Variants in MEIKIN observed in about 807,000 individuals in gnomAD.
The protein encoded by MEIKIN is meiotic kinetochore factor.
chr5:131,841,864 T>C (rs1355975910), intron 11 of MEIKIN, among the ~76,000 whole-genome samples: 1 of 152,260 alleles, frequency 6.6e-6, no homozygotes, highest in African/African-American at 2.4e-5. Flanking sequence ...AAGCTCACTG[T>C]TAGTGAATAA....
intron 9 of MEIKIN, among the ~76,000 whole-genome samples, chr5:131,863,891 G>T (rs1750333599): frequency 6.6e-6 from 1 of 152,124 alleles, no homozygotes; most frequent in Non-Finnish European, 1.5e-5. Flanking sequence ...ACCCATGTAA[G>T]ACGTGACTTG....
rs555631658 is a variant in MEIKIN, at chr5:131,863,789, C to G, written c.775-8955G>C. Among the ~76,000 whole-genome samples, 4 of 152,120 alleles carry G rather than the reference C, an allele frequency of 2.6e-5. No homozygotes were observed. The South Asian group carries it at 8.3e-4, about 32-fold the overall frequency. ...CTGAATCATGGGGGCAGGTCTTCCC[C>G]ATGCCGTTCTTGTGATAGTGAATAC... On this transcript the variant is annotated intron_variant, in intron 9 of 12. Coordinates refer to ENST00000442687, the MANE Select transcript of MEIKIN (RefSeq NM_001303622.2).
At chr5:131,828,255 C>T (rs990574389) in intron 11 of MEIKIN, among the ~76,000 whole-genome samples, 25 of 152,266 alleles carry the variant, frequency 1.6e-4, no homozygotes, top group South Asian at 6.2e-4. Context: ...TGCCCCTCTC[C>T]GGGTTCAAGT....
At chr5:131,899,462 G>C (rs1751116760) in intron 8 of MEIKIN, among the ~76,000 whole-genome samples, 1 of 150,178 alleles carries the variant, frequency 6.7e-6, no homozygotes, top group African/African-American at 2.5e-5. Flanking sequence ...TCAGGAGTAA[G>C]TCTCTACTTA....
chr5:131,860,347 A>ATT (rs58038860), intron 9 of MEIKIN, among the ~76,000 whole-genome samples: 12,622 of 141,882 alleles, frequency 0.089, 1,321 homozygotes, highest in African/African-American at 0.25. Flanking sequence ...TGCCTTCTTG[A>ATT]TTTTTTTTCA....
intron 8 of MEIKIN, among the ~76,000 whole-genome samples, chr5:131,879,626 A>G (rs1028914453): frequency 6.6e-6 from 1 of 152,182 alleles, no homozygotes; most frequent in Non-Finnish European, 1.5e-5. Flanking sequence ...CAAATTTCTT[A>G]AAAGATCTGT....
At chr5:131,905,898 T>C (rs1239129208) in intron 8 of MEIKIN, among the ~76,000 whole-genome samples, 1 of 152,052 alleles carries the variant, frequency 6.6e-6, no homozygotes, top group East Asian at 1.9e-4. Flanking sequence ...TAAAGACGTA[T>C]ATCTAAGACT....
At chr5:131,823,320 C>T (rs1045425373) in intron 11 of MEIKIN, among the ~76,000 whole-genome samples, 1 of 152,094 alleles carries the variant, frequency 6.6e-6, no homozygotes, top group Non-Finnish European at 1.5e-5. Flanking sequence ...ACCAATAACT[C>T]TTGGGTTTGC....
intron 11 of MEIKIN, among the ~76,000 whole-genome samples, chr5:131,824,404 T>C (rs1749573857): frequency 1.3e-5 from 2 of 150,884 alleles, no homozygotes; most frequent in African/African-American, 2.4e-5. Flanking sequence ...CCTGCAGCCA[T>C]AGCTACTCAG....
chr5:131,894,466 C>T (rs916805268), intron 8 of MEIKIN, among the ~76,000 whole-genome samples: 3 of 152,128 alleles, frequency 2.0e-5, no homozygotes, highest in African/African-American at 7.2e-5. Flanking sequence ...CGGGATGGCA[C>T]TGAATCTATA....
At chr5:131,881,427 A>G (rs1177493477) in intron 8 of MEIKIN, among the ~76,000 whole-genome samples, 1 of 151,734 alleles carries the variant, frequency 6.6e-6, no homozygotes, top group Non-Finnish European at 1.5e-5. Context: ...CCCTTTCCCT[A>G]CCTCTAAATG....
intron 8 of MEIKIN, among the ~76,000 whole-genome samples, chr5:131,897,360 C>T (rs1266356123): frequency 6.6e-6 from 1 of 152,106 alleles, no homozygotes; most frequent in Non-Finnish European, 1.5e-5. Context: ...AATTATGTGT[C>T]TTAGGGAGGA....
At chr5:131,877,001 T>TG (rs1177501007) in intron 9 of MEIKIN, among the ~76,000 whole-genome samples, 2 of 42,692 alleles carry the variant, frequency 4.7e-5, no homozygotes, top group Non-Finnish European at 9.0e-5. Flanking sequence ...TGTTGTGGGG[T>TG]GGGGGGAGGG....
intron 7 of MEIKIN, among the ~76,000 whole-genome samples, chr5:131,913,088 G>A (rs1236023700): frequency 6.6e-6 from 1 of 152,196 alleles, no homozygotes; most frequent in East Asian, 1.9e-4. Flanking sequence ...TTTTAAACTT[G>A]AAGTATTCTG....
intron 4 of MEIKIN, among the ~76,000 whole-genome samples, chr5:131,940,683 A>G (rs1353342599): frequency 6.6e-6 from 1 of 151,986 alleles, no homozygotes; most frequent in Admixed American, 6.5e-5. Flanking sequence ...GTGATGAGAC[A>G]TTCTGGGAAC....
intron 8 of MEIKIN, among the ~76,000 whole-genome samples, chr5:131,884,838 A>G (rs1750751354): frequency 6.8e-6 from 1 of 147,494 alleles, no homozygotes; most frequent in Non-Finnish European, 1.5e-5. Context: ...CATTTACCAT[A>G]AGCTGACTGA....
chr5:131,942,564 G>A, intron 4 of MEIKIN, 71 bp downstream of exon 4: 1 of 396,918 alleles, frequency 2.5e-6, no homozygotes, highest in Middle Eastern at 6.3e-4. Flanking sequence ...AAGATGGGGA[G>A]AGATACAGAT....
intron 9 of MEIKIN, among the ~76,000 whole-genome samples, chr5:131,858,283 C>G (rs147554836): frequency 6.6e-6 from 1 of 152,188 alleles, no homozygotes; most frequent in East Asian, 1.9e-4. Flanking sequence ...AATAAAGCTG[C>G]ACACCTACAA....
intron 11 of MEIKIN, among the ~76,000 whole-genome samples, chr5:131,819,793 T>TTTTTG: frequency 7.9e-6 from 1 of 126,536 alleles, no homozygotes; most frequent in African/African-American, 3.6e-5. Flanking sequence ...TTTTTTTTTT[T>TTTTTG]GAGACGGAGT....
Sources: gnomAD v4.1 joint callset for allele counts (sites outside exome capture counted in the v4.1 genomes callset) on GRCh38, gnomAD v4.1.1 for gene constraint, MANE v1.5 for transcripts, NCBI Gene and HGNC (gene_info 2026-07-23, HGNC 2026-07-21) for gene names.